The following MAP3K15 variants were observed in gnomAD, a reference collection of about 807,000 sequenced individuals.
MAP3K15 encodes the protein MAPK/ERK kinase kinase 15.
Under a neutral mutation model 99.5 loss-of-function variants are expected in MAP3K15, and 124 were observed. The ratio of observed to expected loss-of-function variants is 1.25; its 90% CI spans 1.08 to 1.45. The LOEUF is 1.45. Ranked by LOEUF, MAP3K15 falls within the 40% of genes most tolerant of loss-of-function variation. The pLI is 0.00. For synonymous variants in MAP3K15, 494 were observed against 439.6 expected, an observed-to-expected ratio of 1.12 and a Z score of -1.55; for missense variants, 1,242 against 1,079.7, an observed-to-expected ratio of 1.15 and a Z score of -2.11.
intron 18 of MAP3K15, among the ~76,000 whole-genome samples, chrX:19,388,218 T>C (rs1014417574): frequency 8.9e-6 from 1 of 112,201 alleles, no homozygotes; most frequent in Admixed American, 9.4e-5. Context: ...AGTGGCACAA[T>C]CGGCTCATGC....
At chrX:19,468,188 G>A (rs1376759950) in intron 3 of MAP3K15, among the ~76,000 whole-genome samples, 1 of 112,027 alleles carries the variant, frequency 8.9e-6, no homozygotes. Flanking sequence ...TTTGGTGGCT[G>A]GCAATTAAGA....
chrX:19,481,727 G>T (rs1021327032), intron 3 of MAP3K15, among the ~76,000 whole-genome samples: 8 of 111,391 alleles, frequency 7.2e-5, no homozygotes, highest in African/African-American at 2.6e-4. Context: ...GTACACTCAG[G>T]TATCAGTTCA....
chrX:19,483,385 A>G (rs1203308962), intron 3 of MAP3K15, among the ~76,000 whole-genome samples: 1 of 111,516 alleles, frequency 9.0e-6, no homozygotes, highest in Non-Finnish European at 1.9e-5. Flanking sequence ...TTATTTTTCC[A>G]TCTCCCTTTC....
intron 6 of MAP3K15, among the ~76,000 whole-genome samples, chrX:19,440,460 G>A (rs1247520194): frequency 1.8e-5 from 2 of 112,514 alleles, no homozygotes; most frequent in East Asian, 5.6e-4. Context: ...ACAATGTTCA[G>A]AGTCAAATAA....
At chrX:19,487,665 G>A (rs915546489) in intron 2 of MAP3K15, among the ~76,000 whole-genome samples, 10 of 111,923 alleles carry the variant, frequency 8.9e-5, no homozygotes, top group Non-Finnish European at 1.5e-4. Context: ...TCTATGTAAA[G>A]TATATATGAT....
intron 25 of MAP3K15, among the ~76,000 whole-genome samples, chrX:19,366,497 G>A (rs7049808): frequency 0.039 from 4,318 of 111,477 alleles, 219 homozygotes; most frequent in African/African-American, 0.13. Flanking sequence ...GAGGGACCCA[G>A]TGGGAGATAA....
rs2063403765 is a variant in MAP3K15 at position 19,374,525 on chromosome X, T to C, written c.2725A>G (p.Arg909Gly). The change falls in exon 20 of 29, where the codon AGG becomes GGG. Residue 909 changes from arginine to glycine, a missense_variant. By Grantham distance (125) the Arg-to-Gly change is moderately radical. Coordinates refer to ENST00000338883, the MANE Select transcript of MAP3K15 (RefSeq NM_001001671.4). Reference sequence around the variant, plus strand: ...TTCTTCTTGCCCTTGTTCACCTGCCTTAAGAAACCCTCTCTCAGTAGCTCA... The same window carrying C: ...TTCTTCTTGCCCTTGTTCACCTGCCCTAAGAAACCCTCTCTCAGTAGCTCA... ...TAELLREGFL[R>G]QVNKGKKNRI... is the part of the protein sequence containing the mutation. 8.3e-7 allele frequency: 1 copy of C among 1,211,450 alleles called. No individual in the cohort carries two copies. Among genetic ancestry groups the C allele is most frequent in the African/African-American group, 1.7e-5 (1 of 57,704 alleles).
At position 19,383,446 on chromosome X, in the gene MAP3K15, G is replaced by A. The variant is rs1177630588; in HGVS notation, c.2432-3169C>T. 3.6e-5 allele frequency among the ~76,000 whole-genome samples: 4 copies of A among 111,905 alleles called. No homozygotes were observed. In the East Asian group the frequency reaches 1.1e-3, roughly 31 times the overall value. On this transcript the variant is annotated intron_variant, in intron 18 of 28. Coordinates refer to ENST00000338883, the MANE Select transcript of MAP3K15 (RefSeq NM_001001671.4). ...CTCTGGTCAAATAACTGTCCATCCT[G>A]GTACAATTATTTCCTAATTGAAGCC...
chrX:19,428,339 A>T (rs1420642890), intron 7 of MAP3K15, among the ~76,000 whole-genome samples: 3 of 111,987 alleles, frequency 2.7e-5, no homozygotes, highest in Non-Finnish European at 5.6e-5. Context: ...AAAGGCAGTG[A>T]TTTTCTGACC....
chrX:19,423,455 T>C (rs1160397288), intron 9 of MAP3K15, among the ~76,000 whole-genome samples: 2 of 111,777 alleles, frequency 1.8e-5, no homozygotes, highest in Admixed American at 9.5e-5. Context: ...CCTTTGCTCT[T>C]TTCAGGCAAA....
intron 24 of MAP3K15, 88 bp from the exon 25 acceptor site, chrX:19,369,307 G>A: frequency 9.4e-7 from 1 of 1,060,791 alleles, no homozygotes; most frequent in Non-Finnish European, 1.3e-6. Context: ...AAACCGGGCT[G>A]TTCAGAAGCT....
At chrX:19,388,969 C>T (rs1054778078) in intron 18 of MAP3K15, among the ~76,000 whole-genome samples, 4 of 111,981 alleles carry the variant, frequency 3.6e-5, no homozygotes, top group South Asian at 7.4e-4. Flanking sequence ...TGAACAACAA[C>T]GAAGTACCCA....
rs771911379 is a variant in MAP3K15, at chrX:19,409,655, G to A, written c.1748+269C>T. On this transcript the variant is annotated intron_variant, in intron 12 of 28. Transcript: ENST00000338883. ...AAAAGATACATCTTCTCTTCCTACC[G>A]ATCACTTCTTTAAAAAAAATGGCAC... Among the ~76,000 whole-genome samples, 13 of 111,170 alleles carry A rather than the reference G, an allele frequency of 1.2e-4. No individual in the cohort carries two copies. The East Asian group carries it at 1.7e-3, about 14-fold the overall frequency.
At chrX:19,371,121 T>C (rs2063372136) in intron 23 of MAP3K15, 57 bp from the exon 24 acceptor site, 1 of 956,335 alleles carries the variant, frequency 1.0e-6, no homozygotes. Flanking sequence ...AGATTTCCAG[T>C]GCATTGCACG....
intron 6 of MAP3K15, among the ~76,000 whole-genome samples, chrX:19,437,577 G>C (rs1340528800): frequency 1.8e-5 from 2 of 111,583 alleles, no homozygotes; most frequent in African/African-American, 3.3e-5. Context: ...TTTCTAATAG[G>C]TGTGGTCTTC....
chrX:19,431,322 G>T (rs373779095), intron 7 of MAP3K15, 116 bp downstream of exon 7: 39 of 684,172 alleles, frequency 5.7e-5, no homozygotes, highest in East Asian at 2.5e-4. Flanking sequence ...TACTACAAAT[G>T]TTTGCTCCCT....
At chrX:19,370,362 C>A (rs1040305669) in intron 24 of MAP3K15, among the ~76,000 whole-genome samples, 1 of 111,209 alleles carries the variant, frequency 9.0e-6, no homozygotes, top group Non-Finnish European at 1.9e-5. Context: ...TCCCCTCTGG[C>A]CCCATGCTCC....
chrX:19,507,697 G>T (rs1193244387), intron 1 of MAP3K15, among the ~76,000 whole-genome samples: 1 of 103,259 alleles, frequency 9.7e-6, no homozygotes, highest in Non-Finnish European at 1.9e-5. Context: ...TTCATCAATT[G>T]TCACAAGTGC....
In MAP3K15 at chrX:19,430,532, C is replaced by T. The variant is rs938111231; in HGVS notation, c.1166+906G>A. ...AAGCTGCTAAGTTTTGGGGTTGTTA[C>T]GCAGCAAGTGATAGCTGATACACTC... On this transcript the variant is annotated intron_variant, in intron 7 of 28. Coordinates refer to ENST00000338883, the MANE Select transcript of MAP3K15 (RefSeq NM_001001671.4). Among the ~76,000 whole-genome samples, 11 of 111,916 alleles carry T rather than the reference C, an allele frequency of 9.8e-5. No individual in the cohort carries two copies. The East Asian group carries it at 1.4e-3, about 14-fold the overall frequency.
Sources: gnomAD v4.1 joint callset for allele counts (sites outside exome capture counted in the v4.1 genomes callset) on GRCh38, gnomAD v4.1.1 for gene constraint, MANE v1.5 for transcripts, NCBI Gene and HGNC (gene_info 2026-07-23, HGNC 2026-07-21) for gene names.